The following INTS4 variants were observed in gnomAD, a reference collection of about 807,000 sequenced individuals.
INTS4 encodes MSTP093.
In INTS4, 70 loss-of-function variants were observed where a neutral mutation model predicts 119.5. That is an observed-to-expected ratio of 0.59 (90% confidence interval 0.48 to 0.71). The LOEUF (loss-of-function observed/expected upper bound fraction) is 0.71, where lower values mean the gene tolerates loss of function less well. INTS4 is among the 30% of genes least tolerant of loss of function. The probability of loss-of-function intolerance (pLI) is 0.00; values close to 1 mark genes in which losing one functional copy is unlikely to be tolerated. For synonymous variants in INTS4, 316 were observed against 419.6 expected (o/e 0.75, Z 3.02); for missense variants, 867 against 1,173.2 (o/e 0.74, Z 3.81).
intron 8 of INTS4, among the ~76,000 whole-genome samples, chr11:77,944,691 T>C (rs1174945567): frequency 1.3e-5 from 2 of 152,196 alleles, no homozygotes; most frequent in African/African-American, 4.8e-5. Flanking sequence ...AAATCTGAAA[T>C]CCAAAATGCT....
chr11:77,928,471 A>G lies in INTS4; in HGVS notation c.1242T>C (p.Asp414=). Residue 414 remains aspartate (D), a synonymous_variant, in exon 11 of 23, where the codon GAT becomes GAC. Coordinates refer to ENST00000534064, the MANE Select transcript of INTS4 (RefSeq NM_033547.4). ...CATCGTTGAACATGTCAACTAGGAAATCAAGGCACTTCTCAGCAAAAGAGG... is the reference window on the plus strand; with the variant it reads ...CATCGTTGAACATGTCAACTAGGAAGTCAAGGCACTTCTCAGCAAAAGAGG... ...SSPSFAEKCL[D]FLVDMFNDEI... 6.2e-7 allele frequency: 1 copy of G among 1,611,012 alleles called. No individual in the cohort carries two copies. Among genetic ancestry groups the G allele is most frequent in the South Asian group, 1.1e-5 (1 of 90,570 alleles).
rs1195583023 is a variant in INTS4 at position 77,901,468 on chromosome 11, C to A, written c.2181G>T (p.Leu727=). 2 of 1,613,968 alleles carry A rather than the reference C, an allele frequency of 1.2e-6. No homozygotes were observed. Among genetic ancestry groups the A allele is most frequent in the African/African-American group, 1.3e-5 (1 of 75,062 alleles). The change falls in exon 18 of 23, where the codon CTG becomes CTT. Residue 727 remains leucine, a synonymous_variant. Transcript: ENST00000534064. ...KQVVIIHHMR[L]QAKALQLIVT... ...CTATAAGTTGCAAAGCTTTGGCCTGCAGCCTCATGTGATGTATAATCACCA... is the reference window on the plus strand; with the variant it reads ...CTATAAGTTGCAAAGCTTTGGCCTGAAGCCTCATGTGATGTATAATCACCA...
intron 9 of INTS4, among the ~76,000 whole-genome samples, chr11:77,939,430 G>A (rs1157897600): frequency 2.0e-5 from 3 of 151,744 alleles, no homozygotes; most frequent in Non-Finnish European, 4.4e-5. Context: ...GCGACAGAGC[G>A]AGACTCCGCC....
chr11:77,908,449 C>T (rs1411207195), intron 15 of INTS4, among the ~76,000 whole-genome samples: 3 of 151,912 alleles, frequency 2.0e-5, no homozygotes, highest in Non-Finnish European at 4.4e-5. Flanking sequence ...CTGCCTTAGC[C>T]TCCTGACTAG....
chr11:77,925,164 A>G (rs569850980), intron 11 of INTS4, among the ~76,000 whole-genome samples: 78 of 152,304 alleles, frequency 5.1e-4, no homozygotes, highest in Non-Finnish European at 9.7e-4. Flanking sequence ...CCTTTTTGCA[A>G]CTAGGAAAAA....
intron 10 of INTS4, among the ~76,000 whole-genome samples, chr11:77,930,588 T>C (rs1953621799): frequency 6.6e-6 from 1 of 152,214 alleles, no homozygotes; most frequent in Non-Finnish European, 1.5e-5. Context: ...CCTCAGCTGA[T>C]ACAATTCTAA....
intron 21 of INTS4, among the ~76,000 whole-genome samples, chr11:77,889,092 TATAA>T (rs1952145454): frequency 6.6e-6 from 1 of 152,160 alleles, no homozygotes; most frequent in South Asian, 2.1e-4. Flanking sequence ...CCCAAAGGAT[TATAA>T]ATCATGCTGC....
At chr11:77,878,592 A>C, downstream of INTS4, 1 of 560,004 alleles carries the variant, frequency 1.8e-6, no homozygotes, top group East Asian at 2.9e-5. Context: ...CTATAGCTCA[A>C]ATAACCAGTT....
rs1054108787 is a variant in INTS4 at position 77,948,662 on chromosome 11, A to C, written c.918+7280T>G. ...ACCCTGTCTCAAAGAAACAAAAAAA[A>C]AAAAACAAAAAAAAAAAAGAAGAAG... On this transcript the variant is annotated intron_variant, in intron 8 of 22. Coordinates refer to ENST00000534064, the MANE Select transcript of INTS4 (RefSeq NM_033547.4). Among the ~76,000 whole-genome samples the C allele has an allele frequency of 1.6e-4, 13 of 79,582 alleles. 1 individual carries two copies. The highest frequency in any genetic ancestry group is 7.8e-4 in the African/African-American group (13 of 16,690). The allele number at this position is 79,582 out of a possible 152,430, so 52.2% of individuals were successfully genotyped here.
chr11:77,961,143 T>TAAAAAAAAAAAAAAAAAAAAAAA lies in INTS4; in HGVS notation c.472-6_472-5insTTTTTTTTTTTTTTTTTTTTTTT, dbSNP rs11370501. 6.6e-6 allele frequency: 8 copies of TAAAAAAAAAAAAAAAAAAAAAAA among 1,216,670 alleles called. No homozygotes were observed. The highest frequency in any genetic ancestry group is 4.0e-5 in the Admixed American group (1 of 25,112). The allele number at this position is 1,216,670 out of a possible 1,614,324, so 75.4% of individuals were successfully genotyped here. The stretch of plus-strand genomic sequence containing the variant: ...ATGAGACGTATCTGTCAGATGCTAT[T>TAAAAAAAAAAAAAAAAAAAAAAA]AAAAAAAAAAAAAAAAAGAAAAAAA... On this transcript the variant is annotated splice_region_variant and splice_polypyrimidine_tract_variant and intron_variant, in intron 4 of 22. Transcript: ENST00000534064.
chr11:77,916,531 C>A (rs1953208155), intron 15 of INTS4, among the ~76,000 whole-genome samples: 1 of 152,194 alleles, frequency 6.6e-6, no homozygotes, highest in Admixed American at 6.5e-5. Flanking sequence ...CAGTGCATGA[C>A]TGTATTAGCT....
chr11:77,912,153 G>A (rs1400901042), intron 15 of INTS4, among the ~76,000 whole-genome samples: 1 of 152,082 alleles, frequency 6.6e-6, no homozygotes, highest in African/African-American at 2.4e-5. Context: ...CCTGAGCTCA[G>A]GAGTTCGAGA....
intron 1 of INTS4, 22 bp from the exon 2 acceptor site, chr11:77,991,321 G>A (rs952454311): frequency 2.6e-5 from 41 of 1,580,012 alleles, no homozygotes; most frequent in Middle Eastern, 1.7e-4. Flanking sequence ...AGAGAAAATC[G>A]AAAACACAGA....
At chr11:77,930,225 A>C (rs555260062) in intron 10 of INTS4, among the ~76,000 whole-genome samples, 12 of 152,320 alleles carry the variant, frequency 7.9e-5, no homozygotes, top group African/African-American at 2.2e-4. Flanking sequence ...AAAGTACCTA[A>C]AGTTGTGGTT....
intron 15 of INTS4, among the ~76,000 whole-genome samples, chr11:77,908,814 A>AT (rs961422351): frequency 6.0e-5 from 9 of 150,208 alleles, no homozygotes; most frequent in African/African-American, 1.2e-4. Flanking sequence ...ATGAACAAGT[A>AT]TTTTTTTGTA....
chr11:77,913,603 G>A (rs1411259504), intron 15 of INTS4, among the ~76,000 whole-genome samples: 6 of 152,156 alleles, frequency 3.9e-5, no homozygotes, highest in African/African-American at 1.4e-4. Context: ...GAGCCACTGT[G>A]CCCAGCCAGT....
At chr11:77,897,260 G>A (rs932975394) in intron 18 of INTS4, among the ~76,000 whole-genome samples, 13 of 151,762 alleles carry the variant, frequency 8.6e-5, no homozygotes, top group Admixed American at 3.3e-4. Context: ...TTGGGAGGCC[G>A]AGGTGGAAGG....
chr11:77,941,672 G>T (rs1953932711), intron 8 of INTS4, among the ~76,000 whole-genome samples: 1 of 151,806 alleles, frequency 6.6e-6, no homozygotes, highest in Admixed American at 6.6e-5. Context: ...TTTGTTTTTG[G>T]ATTTGTAATT....
At chr11:77,979,705 G>C (rs1006929842) in intron 3 of INTS4, among the ~76,000 whole-genome samples, 1 of 150,156 alleles carries the variant, frequency 6.7e-6, no homozygotes, top group African/African-American at 2.4e-5. Flanking sequence ...GGCCAGGCAC[G>C]GTGGTGGCTT....
Sources: allele counts gnomAD v4.1 joint callset (sites outside exome capture counted in the v4.1 genomes callset), GRCh38; gene constraint gnomAD v4.1.1; transcripts MANE v1.5; gene names NCBI Gene and HGNC (gene_info 2026-07-23, HGNC 2026-07-21).